Variants in TMEM258 observed in about 807,000 individuals in gnomAD.
TMEM258 encodes the protein transmembrane protein 258.
In TMEM258, 11 loss-of-function variants were observed where a neutral mutation model predicts 9.9. That is an observed-to-expected ratio of 1.11 (90% CI 0.70 to 1.85). The LOEUF (loss-of-function observed/expected upper bound fraction) is 1.85, where lower values mean the gene tolerates loss of function less well. Ranked by LOEUF, TMEM258 falls within the 40% of genes most tolerant of loss-of-function variation. The pLI, the probability that TMEM258 is intolerant of heterozygous loss-of-function variation, is 0.00. For synonymous variants in TMEM258, 40 were observed against 39.1 expected (o/e 1.02, Z -0.09); for missense variants, 81 against 99.7 (o/e 0.81, Z 0.80).
Position 61,792,511 on chromosome 11 carries a change from A to AG in TMEM258, c.3+44dup, listed in dbSNP as rs766037607. 38 of 1,613,614 alleles carry AG rather than the reference A, an allele frequency of 2.4e-5. No individual in the cohort carries two copies. In the African/African-American group the frequency reaches 4.4e-4, roughly 19 times the overall value. The stretch of plus-strand genomic sequence containing the variant: ...TAAGCGCGGTGTGGGTCAGACCCCG[A>AG]GGGGTCCTCGCATCTCCGTCTGGAA... On this transcript the variant is annotated intron_variant, in intron 1 of 3. Transcript: ENST00000537328.
At chr11:61,790,423 C>A in intron 2 of TMEM258, 70 bp downstream of exon 2, 3 of 1,386,270 alleles carry the variant, frequency 2.2e-6, no homozygotes, top group Non-Finnish European at 3.0e-6. Context: ...GTCCATGTAC[C>A]TAGCGTGGTT....
Position 61,789,844 on chromosome 11 carries a change from A to G in TMEM258, c.191T>C (p.Met64Thr), listed in dbSNP as rs369363909. ...LLISLVASLF[M>T]GFGVLFLLLW... ...CAGCAGGAAGAGGACTCCAAAGCCC[A>G]TGAAGAGTGAGGCCACTAAGGAGAT... The change falls in exon 3 of 4, where the codon ATG (methionine) becomes ACG (threonine). Residue 64 changes from methionine to threonine, a missense_variant. Met to Thr is a moderately conservative substitution (Grantham distance 81). Transcript: ENST00000537328. 10 of 1,613,858 alleles carry G rather than the reference A, an allele frequency of 6.2e-6. No individual in the cohort carries two copies. Among genetic ancestry groups the G allele is most frequent in the Non-Finnish European group, 7.6e-6 (9 of 1,179,866 alleles).
At chr11:61,792,359 C>T (rs2066790695) in intron 1 of TMEM258, 197 bp downstream of exon 1, 1 of 668,236 alleles carries the variant, frequency 1.5e-6, no homozygotes, top group Non-Finnish European at 2.6e-6. Context: ...CGCCTCTCGC[C>T]CTTAGAAATC....
intron 1 of TMEM258, 146 bp downstream of exon 1, chr11:61,792,410 C>A (rs1225354926): frequency 8.4e-7 from 1 of 1,191,464 alleles, no homozygotes; most frequent in African/African-American, 1.5e-5. Flanking sequence ...AAGGGGCTTC[C>A]CCCTTCCCCA....
intron 2 of TMEM258, 106 bp from the exon 3 acceptor site, chr11:61,790,027 G>A (rs1487956480): frequency 1.2e-5 from 17 of 1,406,872 alleles, no homozygotes; most frequent in African/African-American, 1.4e-5. Context: ...CCTTCTGGGA[G>A]GCCTATCTGG....
chr11:61,792,405 G>A (rs2066791337), intron 1 of TMEM258, 151 bp downstream of exon 1: 1 of 1,133,238 alleles, frequency 8.8e-7, no homozygotes, highest in Non-Finnish European at 1.3e-6. Context: ...ATGGCAAGGG[G>A]CTTCCCCCTT....
chr11:61,790,886 C>T (rs2135926773), intron 1 of TMEM258, among the ~76,000 whole-genome samples: 1 of 152,280 alleles, frequency 6.6e-6, no homozygotes, highest in African/African-American at 2.4e-5. Flanking sequence ...TCTATAGACA[C>T]CAAGCTGAGA....
In TMEM258 at chr11:61,792,570, A is replaced by T; in HGVS notation, c.-12T>A. On this transcript the variant is annotated 5_prime_UTR_variant, in exon 1 of 4. Transcript: ENST00000537328. ...AACGCTCTCACCATTTTGCCCCGCG[A>T]AGGCTAATCCGCCGCTCCGCCACCG... 1 of 1,613,848 alleles carries T rather than the reference A, an allele frequency of 6.2e-7. No individual in the cohort carries two copies. The highest frequency in any genetic ancestry group is 1.6e-4 in the Middle Eastern group (1 of 6,062).
At position 61,792,509 on chromosome 11, in the gene TMEM258, C is replaced by T. The variant is rs187944546; in HGVS notation, c.3+47G>A. Reference sequence around the variant, plus strand: ...GATAAGCGCGGTGTGGGTCAGACCCCGAGGGGTCCTCGCATCTCCGTCTGG... The same window carrying T: ...GATAAGCGCGGTGTGGGTCAGACCCTGAGGGGTCCTCGCATCTCCGTCTGG... On this transcript the variant is annotated intron_variant, in intron 1 of 3. Coordinates refer to ENST00000537328, the MANE Select transcript of TMEM258 (RefSeq NM_014206.4). 23 of 1,613,748 alleles carry T rather than the reference C, an allele frequency of 1.4e-5. No individual in the cohort carries two copies. In the East Asian group the frequency reaches 4.5e-4, roughly 31 times the overall value.
At chr11:61,790,078 A>G (rs954358634) in intron 2 of TMEM258, 157 bp from the exon 3 acceptor site, 2 of 863,672 alleles carry the variant, frequency 2.3e-6, no homozygotes, top group Non-Finnish European at 3.4e-6. Flanking sequence ...GATGCCTTGG[A>G]CTCTGGTGCT....
intron 1 of TMEM258, among the ~76,000 whole-genome samples, chr11:61,791,201 C>G (rs1009021746): frequency 6.6e-6 from 1 of 151,976 alleles, no homozygotes; most frequent in African/African-American, 2.4e-5. Flanking sequence ...GGTGATCTGC[C>G]TGCCTCGGCC....
intron 2 of TMEM258, 98 bp downstream of exon 2, chr11:61,790,395 A>G: frequency 9.4e-7 from 1 of 1,060,588 alleles, no homozygotes; most frequent in Non-Finnish European, 1.4e-6. Context: ...CCCCAATCCA[A>G]TGTACAAAAC....
chr11:61,790,699 C>T (rs996705355), intron 1 of TMEM258, 97 bp from the exon 2 acceptor site: 5 of 1,058,408 alleles, frequency 4.7e-6, no homozygotes, highest in African/African-American at 3.2e-5. Flanking sequence ...TGCCGTGAAA[C>T]AGAGGCTGAT....
chr11:61,791,266 T>C (rs918609166), intron 1 of TMEM258, among the ~76,000 whole-genome samples: 3 of 151,404 alleles, frequency 2.0e-5, no homozygotes, highest in African/African-American at 4.9e-5. Context: ...TCAATTTTTT[T>C]TTTTTTCCAG....
chr11:61,792,212 G>C (rs978026708), intron 1 of TMEM258: 6 of 358,666 alleles, frequency 1.7e-5, no homozygotes, highest in Non-Finnish European at 2.6e-5. Flanking sequence ...CTGAGAGTTG[G>C]AAGTGCTTCA....
intron 2 of TMEM258, 197 bp from the exon 3 acceptor site, chr11:61,790,118 G>A (rs966564873): frequency 8.9e-6 from 6 of 674,176 alleles, no homozygotes; most frequent in African/African-American, 1.8e-5. Flanking sequence ...GAGACCCAGA[G>A]GAGTTAGGTC....
intron 2 of TMEM258, chr11:61,790,190 A>C: frequency 1.8e-6 from 1 of 567,760 alleles, no homozygotes; most frequent in Non-Finnish European, 3.1e-6. Flanking sequence ...AGACCTCCTG[A>C]CACCTGAGTG....
At chr11:61,789,691 T>C in intron 3 of TMEM258, 94 bp downstream of exon 3, 1 of 1,409,658 alleles carries the variant, frequency 7.1e-7, no homozygotes, top group Non-Finnish European at 9.4e-7. Flanking sequence ...GTCATGCTGG[T>C]AAGAGCTTTA....
At chr11:61,790,671 T>C in intron 1 of TMEM258, 69 bp from the exon 2 acceptor site, 1 of 1,370,114 alleles carries the variant, frequency 7.3e-7, no homozygotes. Flanking sequence ...AACATGCGGT[T>C]ATCAAGGAGC....
Sources: allele counts gnomAD v4.1 joint callset (sites outside exome capture counted in the v4.1 genomes callset), GRCh38; gene constraint gnomAD v4.1.1; transcripts MANE v1.5; gene names NCBI Gene and HGNC (gene_info 2026-07-23, HGNC 2026-07-21).